Variants in ACOX3 observed in about 807,000 individuals in gnomAD.
ACOX3 encodes the protein peroxisomal acyl-coenzyme A oxidase 3.
In ACOX3, 73 loss-of-function variants were observed where a neutral mutation model predicts 81.5. The observed-to-expected ratio is 0.90, with a 90% CI of 0.74 to 1.09. The LOEUF is 1.09. Among genes scored for constraint, ACOX3 ranks in the 50% least tolerant of loss-of-function variants. The pLI is 0.00. For synonymous variants in ACOX3, 387 were observed against 375.1 expected, an observed-to-expected ratio of 1.03 and a Z score of -0.37; for missense variants, 947 against 928.0, an observed-to-expected ratio of 1.02 and a Z score of -0.27.
Position 8,419,610 on chromosome 4 carries a change from C to A in ACOX3, c.-14-3075G>T, listed in dbSNP as rs146977739. On this transcript the variant is annotated intron_variant, in intron 1 of 17. Coordinates refer to ENST00000356406, the MANE Select transcript of ACOX3 (RefSeq NM_003501.3). The surrounding 1 kb of genome is among the most constrained non-coding windows in gnomAD (Gnocchi z 4.2). ...AACATGGAGTGACCACATGACTCAGCAATTCCACTCTGAGGTATGTACGCA... is the reference window on the plus strand; with the variant it reads ...AACATGGAGTGACCACATGACTCAGAAATTCCACTCTGAGGTATGTACGCA... Among the ~76,000 whole-genome samples the A allele has an allele frequency of 8.7e-4, 132 of 152,248 alleles. 1 individual carries two copies. Among genetic ancestry groups the A allele is most frequent in the African/African-American group, 3.1e-3 (130 of 41,528 alleles).
chr4:8,424,436 T>C (rs1424608952), intron 1 of ACOX3, among the ~76,000 whole-genome samples: 1 of 152,236 alleles, frequency 6.6e-6, no homozygotes, highest in East Asian at 1.9e-4. Flanking sequence ...GGGACCAGGT[T>C]GCAACCCATG....
downstream of ACOX3, among the ~76,000 whole-genome samples, chr4:8,363,700 G>A (rs826999): frequency 6.0e-3 from 917 of 152,272 alleles, 2 homozygotes; most frequent in Non-Finnish European, 8.4e-3. Context: ...ATGAGATGAG[G>A]TCGGCACAGG....
Position 8,369,651 on chromosome 4 carries a change from G to A in ACOX3, c.1983+1257C>T, listed in dbSNP as rs539450163. On this transcript the variant is annotated intron_variant, in intron 17 of 17. Coordinates refer to ENST00000356406, the MANE Select transcript of ACOX3 (RefSeq NM_003501.3). ...GCACACCTAGCCCAACCCAGGTGTAGCCTGGGCCGCGCTGAGGCCAGGCGC... is the reference window on the plus strand; with the variant it reads ...GCACACCTAGCCCAACCCAGGTGTAACCTGGGCCGCGCTGAGGCCAGGCGC... Among the ~76,000 whole-genome samples, 4 of 152,340 alleles carry A rather than the reference G, an allele frequency of 2.6e-5. No homozygotes were observed. In the South Asian group the frequency reaches 6.2e-4, roughly 24 times the overall value.
chr4:8,410,341 A>G lies in ACOX3; in HGVS notation c.558T>C (p.His186=). Residue 186 remains histidine (H), a synonymous_variant, in exon 6 of 18, where the codon CAT becomes CAC. Coordinates refer to ENST00000356406, the MANE Select transcript of ACOX3 (RefSeq NM_003501.3). ...YDPATEEFII[H]SPDFEAAKFW... ...ACTTGGCAGCTTCGAAATCAGGGGA[A>G]TGTATGATGAATTCCTGCACAAGGG... 1 of 1,614,046 alleles carries G rather than the reference A, an allele frequency of 6.2e-7. No homozygotes were observed. The highest frequency in any genetic ancestry group is 8.5e-7 in the Non-Finnish European group (1 of 1,179,914).
At chr4:8,363,119 T>C (rs1363549135), downstream of ACOX3, among the ~76,000 whole-genome samples, 2 of 152,250 alleles carry the variant, frequency 1.3e-5, no homozygotes, top group Non-Finnish European at 2.9e-5. Flanking sequence ...GATCTCTGGC[T>C]GCTGCTCAGA....
At chr4:8,380,779 GC>G (rs781757760) in intron 14 of ACOX3, among the ~76,000 whole-genome samples, 1 of 152,186 alleles carries the variant, frequency 6.6e-6, no homozygotes, top group Non-Finnish European at 1.5e-5. Flanking sequence ...AACACTCATG[GC>G]CTGAGTCTCC....
rs1329126133 is a variant in ACOX3 at position 8,430,452 on chromosome 4, G to C, written c.-15+10196C>G. ...TTCAAATGTTTGGAGATACTGTTGA[G>C]AGTAATAAAATAACCATTTATTGCA... On this transcript the variant is annotated intron_variant, in intron 1 of 17. Transcript: ENST00000356406. This position sits in a 1 kb window ranked among gnomAD's most constrained non-coding sequence, Gnocchi z 5.2. 6.6e-6 allele frequency among the ~76,000 whole-genome samples: 1 copy of C among 152,226 alleles called. No homozygotes were observed. The highest frequency in any genetic ancestry group is 1.5e-5 in the Non-Finnish European group (1 of 68,032).
At chr4:8,377,173 A>T (rs1467428244) in intron 14 of ACOX3, among the ~76,000 whole-genome samples, 1 of 152,304 alleles carries the variant, frequency 6.6e-6, no homozygotes, top group Non-Finnish European at 1.5e-5. Context: ...GTCCTCTGCG[A>T]ACCCAGAGAT....
intron 5 of ACOX3, among the ~76,000 whole-genome samples, chr4:8,412,251 TGGCCCCACTCCCAA>T (rs2108964228): frequency 6.6e-6 from 1 of 152,356 alleles, no homozygotes; most frequent in Admixed American, 6.5e-5. Context: ...GAAGGAGCCT[TGGCCCCACTCCCAA>T]GGCCCCACAG....
At chr4:8,433,112 C>T (rs1324769056) in intron 1 of ACOX3, among the ~76,000 whole-genome samples, 1 of 152,240 alleles carries the variant, frequency 6.6e-6, no homozygotes, top group East Asian at 1.9e-4. Context: ...CTGGATATCT[C>T]CAGCTTTCTC....
At chr4:8,364,521 C>T (rs967766956), downstream of ACOX3, among the ~76,000 whole-genome samples, 9 of 107,662 alleles carry the variant, frequency 8.4e-5, no homozygotes, top group Admixed American at 1.6e-4. The surrounding 1 kb of genome is among the most constrained non-coding windows in gnomAD (Gnocchi z 5.0). Flanking sequence ...ATCGTGGCAT[C>T]GCAAAGCTCT....
rs772598914 is a variant in ACOX3 at position 8,416,532 on chromosome 4, G to A, written c.-11C>T. The A allele has an allele frequency of 1.1e-5, 18 of 1,586,660 alleles. No individual in the cohort carries two copies. In the South Asian group the frequency reaches 1.9e-4, roughly 17 times the overall value. On this transcript the variant is annotated 5_prime_UTR_variant, in exon 2 of 18. Transcript: ENST00000356406. The surrounding 1 kb of genome is among the most constrained non-coding windows in gnomAD (Gnocchi z 4.2). ...CACAGTGGATGCCATCGCGTGATAA[G>A]AGCCTGCACAAAACATGCAACCTGA... is the stretch of plus-strand genomic sequence containing the variant.
At chr4:8,404,045 G>A (rs1371857924) in intron 7 of ACOX3, among the ~76,000 whole-genome samples, 4 of 152,228 alleles carry the variant, frequency 2.6e-5, no homozygotes, top group Non-Finnish European at 5.9e-5. Context: ...AGATTCTCCA[G>A]AACAACACAG....
chr4:8,374,941 C>T, intron 15 of ACOX3, 37 bp downstream of exon 15: 1 of 1,467,580 alleles, frequency 6.8e-7, no homozygotes, highest in Non-Finnish European at 9.1e-7. Context: ...GGCCCTGACT[C>T]TGGGGAGGAC....
intron 1 of ACOX3, chr4:8,428,545 T>G (rs1723743668): frequency 6.6e-6 from 1 of 152,234 alleles, no homozygotes. Flanking sequence ...CTCGTTGCCC[T>G]GGAAACGCGG....
intron 1 of ACOX3, among the ~76,000 whole-genome samples, chr4:8,440,257 C>T (rs761887960): frequency 1.3e-5 from 2 of 152,212 alleles, no homozygotes; most frequent in Non-Finnish European, 2.9e-5. Context: ...CCGATGCTCC[C>T]GGCCGAATAA....
chr4:8,368,955 C>G lies in ACOX3; in HGVS notation c.1984-1875G>C, dbSNP rs905517796. On this transcript the variant is annotated intron_variant, in intron 17 of 17. Transcript: ENST00000356406. The surrounding 1 kb of genome is among the most constrained non-coding windows in gnomAD (Gnocchi z 5.9). ...TCAGCCTTCCAAAGTGCTAGGATAA[C>G]AGGTGTGAGCCACCATGCTCAGCCA... Among the ~76,000 whole-genome samples, 1 of 152,170 alleles carries G rather than the reference C, an allele frequency of 6.6e-6. No individual in the cohort carries two copies. The highest frequency in any genetic ancestry group is 2.4e-5 in the African/African-American group (1 of 41,440).
rs555937573 is a variant in ACOX3 at position 8,416,173 on chromosome 4, A to G, written c.145-174T>C. ...TGGACTAGAGGACTGGAGGCTTAAGAAACATCAACAATCCGTGTTCATTTC... is the reference window on the plus strand; with the variant it reads ...TGGACTAGAGGACTGGAGGCTTAAGGAACATCAACAATCCGTGTTCATTTC... On this transcript the variant is annotated intron_variant, in intron 2 of 17. Transcript: ENST00000356406. This position sits in a 1 kb window ranked among gnomAD's most constrained non-coding sequence, Gnocchi z 4.2. 6.6e-6 allele frequency among the ~76,000 whole-genome samples: 1 copy of G among 152,290 alleles called. No individual in the cohort carries two copies. Among genetic ancestry groups the G allele is most frequent in the South Asian group, 2.1e-4 (1 of 4,824 alleles).
At chr4:8,391,474 A>T (rs1000409607) in intron 11 of ACOX3, among the ~76,000 whole-genome samples, 3 of 152,262 alleles carry the variant, frequency 2.0e-5, no homozygotes, top group Non-Finnish European at 4.4e-5. Context: ...TTGAGTGTGT[A>T]CATGGCCTTC....
Sources: gnomAD v4.1 joint callset for allele counts (sites outside exome capture counted in the v4.1 genomes callset) on GRCh38, gnomAD v4.1.1 for gene constraint, Gnocchi (gnomAD v3.1) non-coding constraint, MANE v1.5 for transcripts, NCBI Gene and HGNC (gene_info 2026-07-23, HGNC 2026-07-21) for gene names.